Variants in UTS2 observed in about 807,000 individuals in gnomAD.
UTS2 encodes the protein urotensin 2.
In UTS2, 10 loss-of-function variants were observed where a neutral mutation model predicts 12.6. That is an observed-to-expected ratio of 0.80 (90% CI 0.49 to 1.35). UTS2 has a LOEUF of 1.35. Among genes scored for constraint, UTS2 ranks in the 40% most tolerant of loss-of-function variants. The pLI, the probability that UTS2 is intolerant of heterozygous loss-of-function variation, is 0.00. For synonymous variants in UTS2, 52 were observed against 50.0 expected (o/e 1.04, Z -0.17); for missense variants, 142 against 143.2 (o/e 0.99, Z 0.04).
chr1:7,878,306 A>G, the UTS2 span, among the ~76,000 whole-genome samples: 1 of 152,356 alleles, frequency 6.6e-6, no homozygotes, highest in South Asian at 2.1e-4. Flanking sequence ...TGGAAGTGAA[A>G]GGATGGTAGA....
At chr1:7,849,773 T>G (rs774855194) in intron 2 of UTS2, 90 bp from the exon 3 acceptor site, 10 of 1,197,928 alleles carry the variant, frequency 8.3e-6, no homozygotes, top group Non-Finnish European at 1.2e-5. Context: ...TACTAAATTA[T>G]GTCTAGTTTC....
chr1:7,880,037 G>C, the UTS2 span, among the ~76,000 whole-genome samples: 1 of 152,018 alleles, frequency 6.6e-6, no homozygotes, highest in Non-Finnish European at 1.5e-5. Flanking sequence ...GGGGAGCATT[G>C]ATTGAGCCTG....
At chr1:7,889,807 C>T in the UTS2 span, among the ~76,000 whole-genome samples, 2 of 152,154 alleles carry the variant, frequency 1.3e-5, no homozygotes, top group Non-Finnish European at 2.9e-5. Flanking sequence ...TGGCTCACGC[C>T]TGTAATCACA....
rs13306065 is a variant in UTS2 at position 7,851,132 on chromosome 1, C to T, written c.104-210G>A. Among the ~76,000 whole-genome samples, 6 of 152,304 alleles carry T rather than the reference C, an allele frequency of 3.9e-5. No homozygotes were observed. In the East Asian group the frequency reaches 1.2e-3, roughly 29 times the overall value. On this transcript the variant is annotated intron_variant, in intron 1 of 3. Transcript: ENST00000361696. ...GCCAGCAGAATGGGAAGCCGGGAGA[C>T]GTGGATCTGACACCCGCGTGATGAG...
chr1:7,858,814 C>A, the UTS2 span, among the ~76,000 whole-genome samples: 1 of 152,178 alleles, frequency 6.6e-6, no homozygotes, highest in South Asian at 2.1e-4. Context: ...AAACTCCTAG[C>A]CTCAAGTGAT....
At chr1:7,875,267 G>A in the UTS2 span, among the ~76,000 whole-genome samples, 1 of 151,930 alleles carries the variant, frequency 6.6e-6, no homozygotes, top group Non-Finnish European at 1.5e-5. Flanking sequence ...GTAGAGACGG[G>A]GTTTCACCGT....
At chr1:7,856,530 A>G (rs540669580), upstream of UTS2, among the ~76,000 whole-genome samples, 1 of 41,530 alleles carries the variant, frequency 2.4e-5, no homozygotes, top group South Asian at 6.5e-4. Flanking sequence ...GCCTCCGAGG[A>G]GGAGGAACTG....
chr1:7,847,719 T>G lies in UTS2; in HGVS notation c.*47A>C, dbSNP rs1294978281. ...ATCAAGCATTGTGTTATTTTTCATA[T>G]TCTAAGATGGGTGTTTCTGAGCTGA... On this transcript the variant is annotated 3_prime_UTR_variant, in exon 4 of 4. Coordinates refer to ENST00000361696, the MANE Select transcript of UTS2 (RefSeq NM_006786.4). The G allele has an allele frequency of 4.9e-6, 7 of 1,428,780 alleles. No individual in the cohort carries two copies. The highest frequency in any genetic ancestry group is 6.9e-6 in the Non-Finnish European group (7 of 1,021,484). 88.5% of individuals were successfully genotyped at this position (1,428,780 alleles called of 1,614,324 possible).
At chr1:7,872,321 G>GAAAA in the UTS2 span, among the ~76,000 whole-genome samples, 5 of 86,054 alleles carry the variant, frequency 5.8e-5, no homozygotes, top group African/African-American at 1.8e-4. Context: ...AAAAAAAAAG[G>GAAAA]AAAAGAAAAA....
chr1:7,864,708 A>C, the UTS2 span, among the ~76,000 whole-genome samples: 1 of 152,158 alleles, frequency 6.6e-6, no homozygotes, highest in Admixed American at 6.5e-5. Flanking sequence ...CTTTCCCCTA[A>C]GAAGAGGGGT....
chr1:7,847,775 G>C lies in UTS2; in HGVS notation c.366C>G (p.Tyr122Ter), dbSNP rs757820163. ...AGATGCTTATTTCACTTCAGACACA[G>C]TATTTCCAGAAGCAATCAGGAGTCT... The part of the protein sequence containing the change: ...KRETPDCFWK[Y>*]CV Residue 122 changes from tyrosine to a stop codon, truncating the protein, a stop_gained, in exon 4 of 4, where the codon TAC becomes TAG. Coordinates refer to ENST00000361696, the MANE Select transcript of UTS2 (RefSeq NM_006786.4). LOFTEE classifies it high-confidence loss of function. The C allele has an allele frequency of 3.1e-6, 5 of 1,611,136 alleles. No homozygotes were observed. Among genetic ancestry groups the C allele is most frequent in the Non-Finnish European group, 3.4e-6 (4 of 1,177,980 alleles).
intron 2 of UTS2, among the ~76,000 whole-genome samples, chr1:7,850,338 G>A (rs1037918717): frequency 3.3e-5 from 5 of 152,032 alleles, no homozygotes; most frequent in Admixed American, 1.3e-4. Flanking sequence ...GTGGCCACGG[G>A]GGAATAAGCT....
chr1:7,848,813 G>A (rs553853734), intron 3 of UTS2, among the ~76,000 whole-genome samples: 8 of 152,220 alleles, frequency 5.3e-5, no homozygotes, highest in African/African-American at 9.6e-5. Flanking sequence ...CACCGCACCC[G>A]GCCTTCTGTA....
chr1:7,906,499 GAAAGAA>G, the UTS2 span, among the ~76,000 whole-genome samples: 1 of 129,564 alleles, frequency 7.7e-6, no homozygotes, highest in South Asian at 2.8e-4. Flanking sequence ...AAGAAAGAAA[GAAAGAA>G]AGAAAAGAGG....
chr1:7,885,908 T>TGGGGGGGGGGGGGG, the UTS2 span, among the ~76,000 whole-genome samples: 1 of 14,004 alleles, frequency 7.1e-5, no homozygotes, highest in Non-Finnish European at 1.8e-4. Context: ...GGGGGTGGGG[T>TGGGGGGGGGGGGGG]GGGGGGGGGC....
the UTS2 span, among the ~76,000 whole-genome samples, chr1:7,859,702 T>C: frequency 6.6e-6 from 1 of 152,166 alleles, no homozygotes; most frequent in Non-Finnish European, 1.5e-5. Flanking sequence ...GGTTTTGTCA[T>C]TTACCAGCAA....
chr1:7,853,501 A>G (rs2097416318), upstream of UTS2: 3 of 1,550,206 alleles, frequency 1.9e-6, no homozygotes, highest in South Asian at 2.5e-5. Flanking sequence ...CTGAAGAATG[A>G]CAATCTGTGG....
At chr1:7,891,465 A>C in the UTS2 span, among the ~76,000 whole-genome samples, 8 of 151,502 alleles carry the variant, frequency 5.3e-5, no homozygotes, top group Non-Finnish European at 7.4e-5. Flanking sequence ...GGCTGAGGCT[A>C]CAATGAGCTG....
the UTS2 span, among the ~76,000 whole-genome samples, chr1:7,892,441 A>G: frequency 7.4e-6 from 1 of 134,614 alleles, no homozygotes; most frequent in Non-Finnish European, 1.6e-5. Context: ...TCTCTCTCTG[A>G]CTCTGACACT....
Sources: allele counts gnomAD v4.1 joint callset (sites outside exome capture counted in the v4.1 genomes callset), GRCh38; gene constraint gnomAD v4.1.1; transcripts MANE v1.5; gene names NCBI Gene and HGNC (gene_info 2026-07-23, HGNC 2026-07-21).